The following CDH6 variants were observed in gnomAD, a reference collection of about 807,000 sequenced individuals.
CDH6 encodes the protein cadherin-6.
Under a neutral mutation model 78.0 loss-of-function variants are expected in CDH6, and 31 were observed. The ratio of observed to expected loss-of-function variants is 0.40; its 90% CI spans 0.30 to 0.54. CDH6 has a LOEUF of 0.54. Among genes scored for constraint, CDH6 ranks in the 20% least tolerant of loss-of-function variants. CDH6 has a pLI of 0.56. For synonymous variants in CDH6, 376 were observed against 368.8 expected (o/e 1.02, Z -0.23); for missense variants, 724 against 975.9 (o/e 0.74, Z 3.44).
Position 31,322,843 on chromosome 5 carries a change from G to T in CDH6, c.1908G>T (p.Leu636=), listed in dbSNP as rs1393530565. 6.2e-7 allele frequency: 1 copy of T among 1,613,802 alleles called. No individual in the cohort carries two copies. The highest frequency in any genetic ancestry group is 1.1e-5 in the South Asian group (1 of 91,066). ...LLVTVVLFAA[L]RRQRKKEPLI... is the part of the protein sequence containing the mutation. ...TGACAGTGGTGCTGTTTGCAGCTCT[G>T]AGGCGGCAGCGAAAAAAAGAGCCTT... Residue 636 remains leucine, a synonymous_variant, in exon 12 of 12, where the codon CTG becomes CTT. Coordinates refer to ENST00000265071, the MANE Select transcript of CDH6 (RefSeq NM_004932.4).
At chr5:31,226,453 G>T (rs1195298123) in intron 1 of CDH6, among the ~76,000 whole-genome samples, 1 of 152,206 alleles carries the variant, frequency 6.6e-6, no homozygotes. Context: ...GGGATCACAG[G>T]CATGAGCCAC....
At chr5:31,246,686 C>T (rs894455943) in intron 1 of CDH6, among the ~76,000 whole-genome samples, 5 of 152,098 alleles carry the variant, frequency 3.3e-5, no homozygotes, top group Non-Finnish European at 5.9e-5. Context: ...TTGAGTAGAC[C>T]GCAAAATGTG....
chr5:31,197,819 C>A (rs1740212102), intron 1 of CDH6, among the ~76,000 whole-genome samples: 1 of 152,136 alleles, frequency 6.6e-6, no homozygotes, highest in Admixed American at 6.5e-5. Flanking sequence ...GTGCTTGAAG[C>A]ACTTTACTGA....
chr5:31,261,669 T>G (rs915612063), intron 1 of CDH6, among the ~76,000 whole-genome samples: 1 of 152,224 alleles, frequency 6.6e-6, no homozygotes, highest in Non-Finnish European at 1.5e-5. Context: ...CAAATGTGCT[T>G]GGTTTAATTT....
chr5:31,249,178 C>A (rs1741839045), intron 1 of CDH6: 1 of 152,120 alleles, frequency 6.6e-6, no homozygotes. Context: ...AAAGGTGAGC[C>A]TAACCACTGA....
intron 1 of CDH6, among the ~76,000 whole-genome samples, chr5:31,197,666 A>G (rs911859475): frequency 2.6e-5 from 4 of 152,236 alleles, no homozygotes; most frequent in African/African-American, 9.6e-5. Context: ...ACACGCAAAC[A>G]CAGCACCCAG....
chr5:31,220,287 A>T (rs1321691101), intron 1 of CDH6, among the ~76,000 whole-genome samples: 8 of 152,188 alleles, frequency 5.3e-5, no homozygotes, highest in African/African-American at 1.9e-4. Context: ...ATTTTTTTAA[A>T]TGTGAGAACT....
chr5:31,318,941 G>A (rs1561073820), intron 11 of CDH6: 1 of 222,296 alleles, frequency 4.5e-6, no homozygotes, highest in Non-Finnish European at 9.0e-6. Flanking sequence ...CAGAAGCCTT[G>A]AAACTCAACT....
rs373791596 is a variant in CDH6 at position 31,317,356 on chromosome 5, G to A, written c.1513-19G>A. On this transcript the variant is annotated intron_variant, in intron 9 of 11. Coordinates refer to ENST00000265071, the MANE Select transcript of CDH6 (RefSeq NM_004932.4). ...TGAGTTATCAAAATTTTATGGCAGC[G>A]TTTTGGTTTTTCTCTTAGTTGATTC... 5 of 1,214,806 alleles carry A rather than the reference G, an allele frequency of 4.1e-6. No homozygotes were observed. In the African/African-American group the frequency reaches 4.5e-5, roughly 11 times the overall value. The allele number at this position is 1,214,806 out of a possible 1,614,324, so 75.3% of individuals were successfully genotyped here. A position where few individuals can be genotyped will look rare whatever the true frequency, so the allele number is the denominator to read the frequency against.
At chr5:31,198,228 A>G (rs1196947298) in intron 1 of CDH6, among the ~76,000 whole-genome samples, 1 of 152,138 alleles carries the variant, frequency 6.6e-6, no homozygotes, top group East Asian at 1.9e-4. Context: ...TGTGGAGTAG[A>G]CTCATATGCA....
In CDH6 at chr5:31,294,116, C is replaced by A; in HGVS notation, c.383C>A (p.Ala128Asp). The A allele has an allele frequency of 6.2e-7, 1 of 1,613,834 alleles. No homozygotes were observed. The highest frequency in any genetic ancestry group is 8.5e-7 in the Non-Finnish European group (1 of 1,179,902). ...REEKPVYILR[A>D]QAINRRTGRP... is the part of the protein sequence containing the mutation. The stretch of plus-strand genomic sequence containing the variant: ...GAAAAACCCGTTTACATCCTTCGAG[C>A]TCAAGCTATAAACAGAAGGACAGGG... Residue 128 changes from alanine to aspartate, a missense_variant, in exon 3 of 12, where the codon GCT becomes GAT. Physicochemically the swap from Ala to Asp is moderately radical, Grantham distance 126. Transcript: ENST00000265071. The surrounding 1 kb of genome is among the most constrained non-coding windows in gnomAD (Gnocchi z 4.1).
At chr5:31,217,200 A>G (rs1740891020) in intron 1 of CDH6, among the ~76,000 whole-genome samples, 1 of 152,204 alleles carries the variant, frequency 6.6e-6, no homozygotes, top group African/African-American at 2.4e-5. Flanking sequence ...TCATAAATTT[A>G]GATCCGTTTT....
intron 2 of CDH6, among the ~76,000 whole-genome samples, chr5:31,268,276 G>A (rs1159171451): frequency 6.6e-6 from 1 of 152,196 alleles, no homozygotes; most frequent in East Asian, 1.9e-4. Flanking sequence ...CAAAAAACAG[G>A]TATTTCAAAA....
At chr5:31,286,334 G>C (rs1423086912) in intron 2 of CDH6, among the ~76,000 whole-genome samples, 1 of 152,146 alleles carries the variant, frequency 6.6e-6, no homozygotes, top group African/African-American at 2.4e-5. Context: ...TTGCATATAG[G>C]AGGAGACTGT....
At chr5:31,209,440 G>C (rs970042473) in intron 1 of CDH6, among the ~76,000 whole-genome samples, 1 of 152,150 alleles carries the variant, frequency 6.6e-6, no homozygotes, top group African/African-American at 2.4e-5. Flanking sequence ...CACATCCCCA[G>C]CTTTAGAATG....
chr5:31,222,223 T>C lies in CDH6; in HGVS notation c.-129+28337T>C, dbSNP rs186749618. Among the ~76,000 whole-genome samples the C allele has an allele frequency of 1.3e-3, 194 of 152,306 alleles. 1 individual carries two copies. The highest frequency in any genetic ancestry group is 0.012 in the Admixed American group (177 of 15,298). On this transcript the variant is annotated intron_variant, in intron 1 of 11. Transcript: ENST00000265071. The stretch of plus-strand genomic sequence containing the variant: ...TTGGAAATATGTAACTGTTAATACC[T>C]GATACATAATGACAAAACTCTGACA...
chr5:31,273,673 G>A (rs936335241), intron 2 of CDH6, among the ~76,000 whole-genome samples: 1 of 152,094 alleles, frequency 6.6e-6, no homozygotes, highest in African/African-American at 2.4e-5. Context: ...TTCAATGATT[G>A]CATTCTACGC....
At chr5:31,314,674 T>G (rs1738256782) in intron 8 of CDH6, among the ~76,000 whole-genome samples, 1 of 152,166 alleles carries the variant, frequency 6.6e-6, no homozygotes, top group South Asian at 2.1e-4. Flanking sequence ...GTTATGGGAC[T>G]GATGTAGATA....
Position 31,305,175 on chromosome 5 carries a change from T to G in CDH6, c.1001T>G (p.Leu334Arg). The G allele has an allele frequency of 6.2e-7, 1 of 1,610,692 alleles. No homozygotes were observed. The highest frequency in any genetic ancestry group is 8.5e-7 in the Non-Finnish European group (1 of 1,178,208). ...TQEGIITVKKLLDFEKKKVYT... is the reference protein window; with the variant it reads ...TQEGIITVKKRLDFEKKKVYT... Reference sequence around the variant, plus strand: ...TCTTCCCCCACCCCCAACCTCAAGCTCTTGGACTTTGAAAAGAAGAAAGTG... The same window carrying G: ...TCTTCCCCCACCCCCAACCTCAAGCGCTTGGACTTTGAAAAGAAGAAAGTG... Residue 334 changes from leucine (L) to arginine (R), a missense_variant and splice_region_variant, in exon 7 of 12, where the codon CTC becomes CGC. Transcript: ENST00000265071.
Sources: gnomAD v4.1 joint callset for allele counts (sites outside exome capture counted in the v4.1 genomes callset) on GRCh38, gnomAD v4.1.1 for gene constraint, Gnocchi (gnomAD v3.1) non-coding constraint, MANE v1.5 for transcripts, NCBI Gene and HGNC (gene_info 2026-07-23, HGNC 2026-07-21) for gene names.